XRRA1: variants seen among roughly 807,000 people sequenced by gnomAD.
XRRA1 encodes X-ray radiation resistance associated 1.
In XRRA1, 69 loss-of-function variants were observed where a neutral mutation model predicts 80.2. The ratio of observed to expected loss-of-function variants is 0.86; its 90% CI spans 0.71 to 1.05. The LOEUF (loss-of-function observed/expected upper bound fraction) is 1.05. Among genes scored for constraint, XRRA1 ranks in the 50% least tolerant of loss-of-function variants. XRRA1 has a pLI of 0.00. For missense variants in XRRA1, 967 were observed against 976.4 expected (o/e 0.99, Z 0.13); for synonymous variants, 348 against 389.9 (o/e 0.89, Z 1.27).
intron 4 of XRRA1, among the ~76,000 whole-genome samples, chr11:74,936,548 G>A (rs1397139108): frequency 6.6e-6 from 1 of 152,224 alleles, no homozygotes; most frequent in Non-Finnish European, 1.5e-5. Flanking sequence ...TTTGGAGTCA[G>A]TAGACCAGAG....
At chr11:74,887,499 C>T (rs766771091) in intron 10 of XRRA1, among the ~76,000 whole-genome samples, 17 of 152,190 alleles carry the variant, frequency 1.1e-4, no homozygotes, top group East Asian at 3.8e-4. Flanking sequence ...GCATGAGCGA[C>T]GCAGAACACA....
Position 74,845,286 on chromosome 11 carries a change from A to G in XRRA1, c.1729-15T>C. The G allele has an allele frequency of 1.2e-6, 2 of 1,600,806 alleles. No homozygotes were observed. The highest frequency in any genetic ancestry group is 2.2e-5 in the South Asian group (2 of 89,708). On this transcript the variant is annotated splice_polypyrimidine_tract_variant and intron_variant, in intron 15 of 18. Coordinates refer to ENST00000684022, the MANE Select transcript of XRRA1 (RefSeq NM_001378157.1). ...AGTTCACTCACCTGTGCCCAGGAAG[A>G]AAACGCATTCATTTGTCACTCATTC... is the stretch of plus-strand genomic sequence containing the variant.
At chr11:74,889,536 C>T (rs1294140617) in intron 10 of XRRA1, among the ~76,000 whole-genome samples, 1 of 152,188 alleles carries the variant, frequency 6.6e-6, no homozygotes, top group African/African-American at 2.4e-5. Flanking sequence ...ATGACAGGAT[C>T]AAATTCACAC....
intron 13 of XRRA1, among the ~76,000 whole-genome samples, chr11:74,851,665 A>C (rs146710205): frequency 3.3e-5 from 5 of 152,310 alleles, no homozygotes; most frequent in African/African-American, 1.2e-4. Context: ...GGTGTGGTTC[A>C]AAAGAGCTCA....
In XRRA1 at chr11:74,842,845, T is replaced by C. The variant is rs2036777014; in HGVS notation, c.*355A>G. Reference sequence around the variant, plus strand: ...TTAAGATCCCCTTGGTGTCAGTTTCTCATACAACAGAGAACAAATGTATCC... The same window carrying C: ...TTAAGATCCCCTTGGTGTCAGTTTCCCATACAACAGAGAACAAATGTATCC... On this transcript the variant is annotated 3_prime_UTR_variant, in exon 19 of 19. Coordinates refer to ENST00000684022, the MANE Select transcript of XRRA1 (RefSeq NM_001378157.1). The C allele has an allele frequency of 8.0e-6, 2 of 249,820 alleles. No homozygotes were observed. The allele number at this position is 249,820 out of a possible 1,614,324, so 15.5% of individuals were successfully genotyped here.
chr11:74,936,879 C>G lies in XRRA1; in HGVS notation c.279+5G>C. The G allele has an allele frequency of 1.2e-6, 2 of 1,612,440 alleles. No homozygotes were observed. The highest frequency in any genetic ancestry group is 2.2e-5 in the East Asian group (1 of 44,834). On this transcript the variant is annotated splice_donor_5th_base_variant and intron_variant, in intron 4 of 18. Transcript: ENST00000684022. ...CTGGCCACTCCAGGATGCATTTACT[C>G]TCACCAGAAAAGCCTGGTCCAGGAT...
At chr11:74,851,927 G>A in intron 13 of XRRA1, 62 bp downstream of exon 13, 1 of 1,397,242 alleles carries the variant, frequency 7.2e-7, no homozygotes, top group Non-Finnish European at 1.0e-6. Context: ...AGGTGGGGAT[G>A]AGGGTGCCAC....
At position 74,843,444 on chromosome 11, in the gene XRRA1, A is replaced by G. The variant is rs1374519945; in HGVS notation, c.2159T>C (p.Leu720Pro). 10 of 1,611,832 alleles carry G rather than the reference A, an allele frequency of 6.2e-6. No homozygotes were observed. The highest frequency in any genetic ancestry group is 8.5e-6 in the Non-Finnish European group (10 of 1,179,094). ...NITEAPLGAVLHQWTERRLVN... is the reference protein window; with the variant it reads ...NITEAPLGAVPHQWTERRLVN... ...CAGCCGCCGTTCTGTCCACTGGTGCAGGACAGCACCTGCAGGAAAAGAAGC... is the reference window on the plus strand; with the variant it reads ...CAGCCGCCGTTCTGTCCACTGGTGCGGGACAGCACCTGCAGGAAAAGAAGC... The change falls in exon 19 of 19, where the codon CTG becomes CCG. Residue 720 changes from leucine (L) to proline (P), a missense_variant. Leu to Pro is a moderately conservative substitution (Grantham distance 98). Coordinates refer to ENST00000684022, the MANE Select transcript of XRRA1 (RefSeq NM_001378157.1).
chr11:74,932,447 TCCTC>T lies in XRRA1; in HGVS notation c.351+1350_351+1353del, dbSNP rs72320646. ...ACTCCATATCCATCTAAGCCCAGCC[TCCTC>T]CCTCTCTACTGGACTATATGCTCCA... On this transcript the variant is annotated intron_variant, in intron 5 of 18. Transcript: ENST00000684022. Among the ~76,000 whole-genome samples the T allele has an allele frequency of 7.1e-3, 1,074 of 152,168 alleles. 12 individuals are homozygous for T. Among genetic ancestry groups the T allele is most frequent in the African/African-American group, 0.025 (1,045 of 41,496 alleles).
intron 14 of XRRA1, among the ~76,000 whole-genome samples, chr11:74,849,151 T>A (rs576126482): frequency 6.6e-6 from 1 of 152,156 alleles, no homozygotes; most frequent in African/African-American, 2.4e-5. Context: ...CCCCTTTACA[T>A]AGTGGATTGT....
Position 74,845,213 on chromosome 11 carries a change from T to G in XRRA1, c.1787A>C (p.Asp596Ala), listed in dbSNP as rs183654752. ...GGGTGCCGTTGGTGGTTTCTTTTGG[T>G]CTTTCTCCTTTAACTCTAAATCATC... Reference protein sequence around the residue: ...HKDDLELKEKDQKKPPTAPRE... With the variant: ...HKDDLELKEKAQKKPPTAPRE... The change falls in exon 16 of 19, where the codon GAC (aspartate) becomes GCC (alanine). Residue 596 changes from aspartate to alanine, a missense_variant. Physicochemically the swap from Asp to Ala is moderately radical, Grantham distance 126 (BLOSUM62 -2). Transcript: ENST00000684022. 1.4e-4 allele frequency: 229 copies of G among 1,614,066 alleles called. No homozygotes were observed. In the African/African-American group the frequency reaches 2.5e-3, roughly 17 times the overall value.
intron 8 of XRRA1, among the ~76,000 whole-genome samples, chr11:74,917,104 G>C (rs1332918971): frequency 6.6e-6 from 1 of 152,194 alleles, no homozygotes; most frequent in African/African-American, 2.4e-5. Context: ...ATGGGTGTGT[G>C]TGCAACAATG....
chr11:74,908,031 T>C (rs2055023408), intron 8 of XRRA1, among the ~76,000 whole-genome samples: 1 of 152,076 alleles, frequency 6.6e-6, no homozygotes, highest in African/African-American at 2.4e-5. Context: ...ATGACACAAA[T>C]AACGTTTTCA....
At chr11:74,852,160 C>T in intron 12 of XRRA1, 78 bp from the exon 13 acceptor site, 1 of 1,190,750 alleles carries the variant, frequency 8.4e-7, no homozygotes, top group South Asian at 1.2e-5. Context: ...CCCCTCACTG[C>T]AGGGCTACAT....
intron 10 of XRRA1, among the ~76,000 whole-genome samples, chr11:74,891,729 C>G (rs988981242): frequency 2.6e-5 from 4 of 152,204 alleles, no homozygotes; most frequent in South Asian, 2.1e-4. Flanking sequence ...AATCAATGTG[C>G]AAAAATCACA....
intron 2 of XRRA1, 74 bp downstream of exon 2, chr11:74,944,944 A>G (rs1051539852): frequency 6.6e-6 from 1 of 152,514 alleles, no homozygotes; most frequent in African/African-American, 2.4e-5. Flanking sequence ...AATGTTAAAT[A>G]TGATGGCTGT....
At chr11:74,848,501 T>A (rs201853390) in intron 14 of XRRA1, 39 bp from the exon 15 acceptor site, 1 of 1,537,342 alleles carries the variant, frequency 6.5e-7, no homozygotes, top group Non-Finnish European at 8.8e-7. Flanking sequence ...TGCTTCCTAA[T>A]TAGGATTCTC....
intron 8 of XRRA1, among the ~76,000 whole-genome samples, chr11:74,915,828 G>A (rs75258451): frequency 0.013 from 1,944 of 152,208 alleles, 49 homozygotes; most frequent in African/African-American, 0.044. Context: ...ACTCCCTCCA[G>A]TATTTACGCA....
intron 8 of XRRA1, chr11:74,918,888 T>C (rs1353400134): frequency 1.3e-5 from 2 of 152,262 alleles, no homozygotes; most frequent in African/African-American, 2.4e-5. Context: ...GGTAACTGCG[T>C]TGGCAGAGAT....
Sources: gnomAD v4.1 joint callset for allele counts (sites outside exome capture counted in the v4.1 genomes callset) on GRCh38, gnomAD v4.1.1 for gene constraint, MANE v1.5 for transcripts, NCBI Gene and HGNC (gene_info 2026-07-23, HGNC 2026-07-21) for gene names.